Variants in FHIP1B observed in about 807,000 individuals in gnomAD.
FHIP1B encodes the protein FHF complex subunit HOOK-interacting protein 1B.
A neutral mutation model predicts 82.2 loss-of-function variants in FHIP1B; 28 were observed. That is an observed-to-expected ratio of 0.34 (90% CI 0.25 to 0.47). FHIP1B has a LOEUF of 0.47. Ranked by LOEUF, FHIP1B falls within the 20% of genes least tolerant of loss-of-function variation. The pLI, the probability that FHIP1B is intolerant of heterozygous loss-of-function variation, is 1.00. For synonymous variants in FHIP1B, 585 were observed against 516.1 expected (o/e 1.13, Z -1.81); for missense variants, 1,110 against 1,262.6 (o/e 0.88, Z 1.83).
intron 1 of FHIP1B, among the ~76,000 whole-genome samples, chr11:6,227,340 G>C (rs934322043): frequency 1.3e-5 from 2 of 152,226 alleles, no homozygotes; most frequent in Non-Finnish European, 2.9e-5. Flanking sequence ...TACCCAGCTA[G>C]TGACAGGACT....
In FHIP1B at chr11:6,217,969, G is replaced by C; in HGVS notation, c.1617C>G (p.Thr539=). ...CCAGCTCTCCAGGCTCCTCTGCAGGGGTAGGCCGTCGGCCAGGGCTGGAGG... is the reference window on the plus strand; with the variant it reads ...CCAGCTCTCCAGGCTCCTCTGCAGGCGTAGGCCGTCGGCCAGGGCTGGAGG... ...SPASSPGRRP[T]PAEEPGELED... Residue 539 remains threonine, a synonymous_variant, in exon 9 of 12, where the codon ACC becomes ACG. Coordinates refer to ENST00000449352, the MANE Select transcript of FHIP1B (RefSeq NM_001098794.2). The C allele has an allele frequency of 6.2e-7, 1 of 1,613,258 alleles. No individual in the cohort carries two copies. Among genetic ancestry groups the C allele is most frequent in the Non-Finnish European group, 8.5e-7 (1 of 1,180,032 alleles).
At position 6,214,721 on chromosome 11, in the gene FHIP1B, T is replaced by A. The variant is rs771280176; in HGVS notation, c.2394+12A>T. The stretch of plus-strand genomic sequence containing the variant: ...GAGCCTGGACGCACCCATGCATGCA[T>A]GCATCGCACACCTGCAGCAGGGACT... On this transcript the variant is annotated intron_variant, in intron 10 of 11. Transcript: ENST00000449352. The A allele has an allele frequency of 1.3e-6, 2 of 1,563,334 alleles. No individual in the cohort carries two copies. The highest frequency in any genetic ancestry group is 1.2e-5 in the South Asian group (1 of 83,438).
chr11:6,228,622 T>C (rs1847624079), intron 1 of FHIP1B, among the ~76,000 whole-genome samples: 1 of 152,128 alleles, frequency 6.6e-6, no homozygotes, highest in Non-Finnish European at 1.5e-5. Context: ...AATCTGAACA[T>C]GAAGAAAGAC....
chr11:6,212,365 C>A (rs1847097080), intron 11 of FHIP1B, among the ~76,000 whole-genome samples: 1 of 152,202 alleles, frequency 6.6e-6, no homozygotes, highest in Non-Finnish European at 1.5e-5. Flanking sequence ...TCTTCCCCAG[C>A]CTATCTATAA....
At chr11:6,214,058 A>C (rs1847151156) in intron 11 of FHIP1B, among the ~76,000 whole-genome samples, 1 of 151,276 alleles carries the variant, frequency 6.6e-6, no homozygotes, top group African/African-American at 2.4e-5. Context: ...AAAAAAAAAA[A>C]AAAAAGATTC....
At chr11:6,220,500 C>T (rs1476117680) in intron 6 of FHIP1B, among the ~76,000 whole-genome samples, 3 of 152,310 alleles carry the variant, frequency 2.0e-5, no homozygotes, top group African/African-American at 7.2e-5. Context: ...TTAACACAGG[C>T]TGGTTAGCCA....
At chr11:6,227,467 T>C (rs910670157) in intron 1 of FHIP1B, among the ~76,000 whole-genome samples, 1 of 152,162 alleles carries the variant, frequency 6.6e-6, no homozygotes, top group Non-Finnish European at 1.5e-5. Context: ...TATAGGAGAT[T>C]CAGTAAAAGA....
At chr11:6,233,634 G>A (rs1847759440) in intron 1 of FHIP1B, among the ~76,000 whole-genome samples, 1 of 152,090 alleles carries the variant, frequency 6.6e-6, no homozygotes, top group African/African-American at 2.4e-5. Context: ...GGAGAGTAAG[G>A]CCATCCTGTT....
intron 1 of FHIP1B, among the ~76,000 whole-genome samples, chr11:6,229,901 A>C (rs1421755502): frequency 2.0e-5 from 3 of 152,012 alleles, no homozygotes; most frequent in Non-Finnish European, 4.4e-5. Flanking sequence ...GACTCTCTGC[A>C]ATGTTCAGAA....
chr11:6,217,129 C>CA, intron 9 of FHIP1B: 1 of 703,458 alleles, frequency 1.4e-6, no homozygotes, highest in Non-Finnish European at 2.6e-6. Flanking sequence ...GCACATAGGA[C>CA]ATACATACAA....
At chr11:6,220,182 C>G (rs1049022862) in intron 6 of FHIP1B, among the ~76,000 whole-genome samples, 24 of 152,084 alleles carry the variant, frequency 1.6e-4, no homozygotes, top group African/African-American at 5.6e-4. Context: ...TATCTATTAT[C>G]TATGGATGAA....
intron 1 of FHIP1B, among the ~76,000 whole-genome samples, chr11:6,233,146 A>G (rs959691413): frequency 8.5e-5 from 13 of 152,216 alleles, no homozygotes; most frequent in African/African-American, 2.7e-4. Context: ...GAAAGAAGCA[A>G]TGAGAATATA....
intron 7 of FHIP1B, 30 bp from the exon 8 acceptor site, chr11:6,218,793 G>A (rs1048461312): frequency 8.1e-6 from 13 of 1,611,176 alleles, no homozygotes; most frequent in East Asian, 2.2e-5. Flanking sequence ...GGGGACACAG[G>A]GTAGATCAGG....
At chr11:6,212,058 T>G in intron 11 of FHIP1B, 191 bp from the exon 12 acceptor site, 3 of 720,760 alleles carry the variant, frequency 4.2e-6, no homozygotes, top group Non-Finnish European at 5.1e-6. Flanking sequence ...AAGTTGACTC[T>G]GAGGAGTAGA....
chr11:6,234,449 C>T (rs1467578809), intron 1 of FHIP1B, 95 bp downstream of exon 1: 1 of 153,282 alleles, frequency 6.5e-6, no homozygotes, highest in East Asian at 1.9e-4. Context: ...ACCTGCCAAC[C>T]CCTCACAACC....
intron 1 of FHIP1B, among the ~76,000 whole-genome samples, chr11:6,229,809 G>C (rs947782421): frequency 6.6e-6 from 1 of 152,092 alleles, no homozygotes; most frequent in Non-Finnish European, 1.5e-5. Context: ...GATTCCAAAA[G>C]CCAATACTTA....
chr11:6,229,554 A>G (rs898686959), intron 1 of FHIP1B, among the ~76,000 whole-genome samples: 4 of 152,200 alleles, frequency 2.6e-5, no homozygotes, highest in Non-Finnish European at 5.9e-5. Context: ...AGTCTCAGTA[A>G]GGTCTTAACA....
In FHIP1B at chr11:6,224,624, G is replaced by A. The variant is rs899235067; in HGVS notation, c.-108C>T. On this transcript the variant is annotated 5_prime_UTR_variant, in exon 2 of 12. Coordinates refer to ENST00000449352, the MANE Select transcript of FHIP1B (RefSeq NM_001098794.2). ...AGTCTGCTTCATCCGGTCTGTAGGA[G>A]CCAGTAGCTGCCCATGGAGCCAGAG... The A allele has an allele frequency of 1.7e-6, 2 of 1,169,612 alleles. No individual in the cohort carries two copies. The highest frequency in any genetic ancestry group is 3.1e-5 in the African/African-American group (2 of 64,580). 72.5% of individuals were successfully genotyped at this position (1,169,612 alleles called of 1,614,324 possible).
Position 6,217,734 on chromosome 11 carries a change from CCCT to C in FHIP1B, c.1849_1851del (p.Arg617del). 7 of 1,605,322 alleles carry C rather than the reference CCCT, an allele frequency of 4.4e-6. No homozygotes were observed. The highest frequency in any genetic ancestry group is 6.0e-6 in the Non-Finnish European group (7 of 1,175,512). ...CCCTCCCCTGCACCCCCAGCCCGCC[CCCT>C]CCTCCCCAGCTCTTCCTCCTCCCCT... On this transcript the variant is annotated inframe_deletion, in exon 9 of 12. Coordinates refer to ENST00000449352, the MANE Select transcript of FHIP1B (RefSeq NM_001098794.2).
Sources: allele counts gnomAD v4.1 joint callset (sites outside exome capture counted in the v4.1 genomes callset), GRCh38; gene constraint gnomAD v4.1.1; transcripts MANE v1.5; gene names NCBI Gene and HGNC (gene_info 2026-07-23, HGNC 2026-07-21).